The following SUSD6 variants were observed in gnomAD, a reference collection of about 807,000 sequenced individuals.
SUSD6 encodes sushi domain containing 6, also known as sushi domain-containing protein 6.
In SUSD6, 16 loss-of-function variants were observed where a neutral mutation model predicts 28.4. That is an observed-to-expected ratio of 0.56 (90% confidence interval 0.38 to 0.86). The LOEUF is 0.86. SUSD6 is among the 40% of genes least tolerant of loss of function. The pLI is 0.00. For synonymous variants in SUSD6, 147 were observed against 159.6 expected, an observed-to-expected ratio of 0.92 and a Z score of 0.59; for missense variants, 341 against 384.2, an observed-to-expected ratio of 0.89 and a Z score of 0.94.
At chr14:69,682,453 C>T (rs985259014) in intron 2 of SUSD6, among the ~76,000 whole-genome samples, 2 of 152,078 alleles carry the variant, frequency 1.3e-5, no homozygotes, top group Admixed American at 1.3e-4. Flanking sequence ...TGTCTCTTCC[C>T]GTGGAACCCA....
chr14:69,659,195 A>T (rs1885627490), intron 2 of SUSD6, among the ~76,000 whole-genome samples: 1 of 152,154 alleles, frequency 6.6e-6, no homozygotes, highest in South Asian at 2.1e-4. Flanking sequence ...GTATGTAATG[A>T]TTGTTAGCTG....
At chr14:69,683,031 T>C (rs1886021304) in intron 2 of SUSD6, among the ~76,000 whole-genome samples, 1 of 142,700 alleles carries the variant, frequency 7.0e-6, no homozygotes, top group Non-Finnish European at 1.5e-5. Flanking sequence ...CCCAAAAATA[T>C]ACTGTACCTC....
At chr14:69,686,451 G>C (rs1050698080) in intron 2 of SUSD6, among the ~76,000 whole-genome samples, 2 of 152,224 alleles carry the variant, frequency 1.3e-5, no homozygotes, top group Non-Finnish European at 2.9e-5. Context: ...CTTTTTGTAA[G>C]TGTGAAAGGC....
chr14:69,671,327 T>G (rs1053108845), intron 2 of SUSD6, among the ~76,000 whole-genome samples: 3 of 152,142 alleles, frequency 2.0e-5, no homozygotes, highest in Non-Finnish European at 2.9e-5. Flanking sequence ...ATGAGAAGAA[T>G]AGCAGTGGGC....
At position 69,634,976 on chromosome 14, in the gene SUSD6, C is replaced by T. The variant is rs575085209; in HGVS notation, c.-81+23148C>T. ...TATTCTCAGCTAGTAAATACTATGGCCTCAGTTTGCCTAAAAAGATAATGG... is the reference window on the plus strand; with the variant it reads ...TATTCTCAGCTAGTAAATACTATGGTCTCAGTTTGCCTAAAAAGATAATGG... On this transcript the variant is annotated intron_variant, in intron 1 of 5. Transcript: ENST00000342745. Among the ~76,000 whole-genome samples the T allele has an allele frequency of 1.3e-3, 202 of 152,232 alleles. 2 individuals are homozygous for T. Among genetic ancestry groups the T allele is most frequent in the African/African-American group, 4.7e-3 (196 of 41,528 alleles).
intron 2 of SUSD6, among the ~76,000 whole-genome samples, chr14:69,667,882 A>C (rs1434899097): frequency 6.6e-6 from 1 of 152,200 alleles, no homozygotes; most frequent in Non-Finnish European, 1.5e-5. Context: ...TTTGCATATA[A>C]GCTCGTTGAA....
chr14:69,679,914 A>G (rs762906805), intron 2 of SUSD6, among the ~76,000 whole-genome samples: 1 of 152,206 alleles, frequency 6.6e-6, no homozygotes, highest in Non-Finnish European at 1.5e-5. Flanking sequence ...CACTAGGAAT[A>G]GTTTTTAATT....
Position 69,711,097 on chromosome 14 carries a change from G to A in SUSD6, c.*118G>A. The A allele has an allele frequency of 1.0e-6, 1 of 965,842 alleles. No individual in the cohort carries two copies. The highest frequency in any genetic ancestry group is 1.7e-6 in the Non-Finnish European group (1 of 602,216). The allele number at this position is 965,842 out of a possible 1,614,324, so 59.8% of individuals were successfully genotyped here. The stretch of plus-strand genomic sequence containing the variant: ...TACCTGGATACCTGAGCTGCCACCT[G>A]TGTATCTGTGTATCTCTGAGGGCCC... On this transcript the variant is annotated 3_prime_UTR_variant, in exon 6 of 6. Coordinates refer to ENST00000342745, the MANE Select transcript of SUSD6 (RefSeq NM_014734.4).
intron 2 of SUSD6, among the ~76,000 whole-genome samples, chr14:69,689,364 T>C (rs2139635902): frequency 6.6e-6 from 1 of 152,174 alleles, no homozygotes; most frequent in Admixed American, 6.5e-5. Flanking sequence ...GTTGAAAAAA[T>C]GAATGGCAGA....
chr14:69,678,589 G>C (rs573532853), intron 2 of SUSD6, among the ~76,000 whole-genome samples: 42 of 152,112 alleles, frequency 2.8e-4, no homozygotes, highest in African/African-American at 9.9e-4. Flanking sequence ...GATCGCTTGA[G>C]CCCAGGAGTT....
chr14:69,628,113 A>G (rs775379529), intron 1 of SUSD6, among the ~76,000 whole-genome samples: 1 of 151,934 alleles, frequency 6.6e-6, no homozygotes, highest in Non-Finnish European at 1.5e-5. Flanking sequence ...TTGGATTTTT[A>G]GTAGAGACGG....
At chr14:69,638,454 G>GTGTGTA (rs1427163657) in intron 1 of SUSD6, among the ~76,000 whole-genome samples, 10 of 150,870 alleles carry the variant, frequency 6.6e-5, no homozygotes, top group Non-Finnish European at 1.2e-4. Context: ...GTGTGTGTGT[G>GTGTGTA]TGTGTAATTG....
At chr14:69,629,806 T>G (rs1029228161) in intron 1 of SUSD6, among the ~76,000 whole-genome samples, 14 of 152,226 alleles carry the variant, frequency 9.2e-5, no homozygotes, top group African/African-American at 2.9e-4. Context: ...CCTGCTAGTA[T>G]GTGCGTGTGT....
chr14:69,616,714 A>G lies in SUSD6; in HGVS notation c.-81+4886A>G, dbSNP rs895613832. Among the ~76,000 whole-genome samples, 3 of 152,322 alleles carry G rather than the reference A, an allele frequency of 2.0e-5. No homozygotes were observed. The East Asian group carries it at 5.8e-4, about 29-fold the overall frequency. ...ATAAAAGGGAAAAAAAATCAGCATG[A>G]TTCTACCACCCTAACATAATGTGTA... On this transcript the variant is annotated intron_variant, in intron 1 of 5. Coordinates refer to ENST00000342745, the MANE Select transcript of SUSD6 (RefSeq NM_014734.4).
At chr14:69,617,530 A>C (rs1027406315) in intron 1 of SUSD6, 1 of 152,232 alleles carries the variant, frequency 6.6e-6, no homozygotes. Flanking sequence ...ATTGTTTCCA[A>C]ATATTTGGTG....
intron 5 of SUSD6, 78 bp from the exon 6 acceptor site, chr14:69,710,876 T>C: frequency 7.3e-7 from 1 of 1,368,460 alleles, no homozygotes; most frequent in Non-Finnish European, 1.0e-6. Flanking sequence ...GGATAGCCCC[T>C]AAGTTGCAGT....
chr14:69,636,530 C>T lies in SUSD6; in HGVS notation c.-80-21983C>T, dbSNP rs75148465. Among the ~76,000 whole-genome samples, 630 of 152,360 alleles carry T rather than the reference C, an allele frequency of 4.1e-3. 1 individual carries two copies. The highest frequency in any genetic ancestry group is 6.3e-3 in the Non-Finnish European group (427 of 68,038). On this transcript the variant is annotated intron_variant, in intron 1 of 5. Coordinates refer to ENST00000342745, the MANE Select transcript of SUSD6 (RefSeq NM_014734.4). Reference sequence around the variant, plus strand: ...TTCTGTGTTGGCTGATAATTTCCTTCAGCTCTTAGAACAACTCTTCATTTC... The same window carrying T: ...TTCTGTGTTGGCTGATAATTTCCTTTAGCTCTTAGAACAACTCTTCATTTC...
intron 3 of SUSD6, among the ~76,000 whole-genome samples, chr14:69,704,009 G>A (rs1293436093): frequency 6.6e-6 from 1 of 152,126 alleles, no homozygotes; most frequent in Non-Finnish European, 1.5e-5. Context: ...CTCCTGTCTT[G>A]CATGACAGGA....
At chr14:69,640,248 A>T (rs1414950308) in intron 1 of SUSD6, among the ~76,000 whole-genome samples, 2 of 151,760 alleles carry the variant, frequency 1.3e-5, no homozygotes, top group African/African-American at 4.8e-5. Flanking sequence ...ATAGCTAAGA[A>T]CTGAGTAACT....
Sources: gnomAD v4.1 joint callset for allele counts (sites outside exome capture counted in the v4.1 genomes callset) on GRCh38, gnomAD v4.1.1 for gene constraint, MANE v1.5 for transcripts, NCBI Gene and HGNC (gene_info 2026-07-23, HGNC 2026-07-21) for gene names.